PKM: variants seen among roughly 807,000 people sequenced by gnomAD.
PKM encodes pyruvate kinase PKM.
PKM carries 18 observed loss-of-function variants against 49.8 expected under a neutral mutation model. The ratio of observed to expected loss-of-function variants is 0.36; its 90% CI spans 0.25 to 0.54. The LOEUF (loss-of-function observed/expected upper bound fraction) is 0.54. Ranked by LOEUF, PKM falls within the 20% of genes least tolerant of loss-of-function variation. PKM has a pLI of 0.89. For synonymous variants in PKM, 239 were observed against 261.8 expected (o/e 0.91, Z 0.84); for missense variants, 508 against 713.8 (o/e 0.71, Z 3.28).
At chr15:72,213,722 C>T (rs1362156824) in intron 3 of PKM, among the ~76,000 whole-genome samples, 3 of 152,198 alleles carry the variant, frequency 2.0e-5, no homozygotes, top group Non-Finnish European at 2.9e-5. Flanking sequence ...TGAGCCACCG[C>T]ACGCCCAGCC....
intron 3 of PKM, 129 bp from the exon 4 acceptor site, chr15:72,210,607 T>C: frequency 9.9e-7 from 1 of 1,005,606 alleles, no homozygotes; most frequent in South Asian, 1.4e-5. Context: ...ATCTCCATCC[T>C]CAGCACGATC....
chr15:72,224,549 C>T (rs927510100), intron 1 of PKM, among the ~76,000 whole-genome samples: 2 of 152,190 alleles, frequency 1.3e-5, no homozygotes, highest in Admixed American at 6.5e-5. Context: ...TGCCTCTCTA[C>T]CACCCAGAAC....
chr15:72,208,758 G>C lies in PKM; in HGVS notation c.699C>G (p.Val233=), dbSNP rs752259435. 6.2e-7 allele frequency: 1 copy of C among 1,614,044 alleles called. No homozygotes were observed. Among genetic ancestry groups the C allele is most frequent in the Admixed American group, 1.7e-5 (1 of 60,004 alleles). ...CAAACACCATATCAACATCCTGCTC[G>C]ACCCCAAACTTCAGATCCTGGATGT... ...EKDIQDLKFG[V]EQDVDMVFAS... is the part of the protein sequence containing the mutation. Residue 233 remains valine, a synonymous_variant, in exon 6 of 11, where the codon GTC becomes GTG. Transcript: ENST00000335181.
chr15:72,215,375 G>A (rs982959780), intron 3 of PKM, among the ~76,000 whole-genome samples: 3 of 152,158 alleles, frequency 2.0e-5, no homozygotes, highest in Non-Finnish European at 4.4e-5. Flanking sequence ...TAGCCCTGAC[G>A]TATGGTAAGG....
Position 72,209,864 on chromosome 15 carries a change from G to A in PKM, c.379-5C>T. The A allele has an allele frequency of 6.2e-7, 1 of 1,613,544 alleles. No homozygotes were observed. The highest frequency in any genetic ancestry group is 1.1e-5 in the South Asian group (1 of 91,070). ...CTCCACCTCTGCAGTGCCGCTCTAG[G>A]GACAAGAGAGTAAGCAAGAGTCCAA... On this transcript the variant is annotated splice_region_variant and splice_polypyrimidine_tract_variant and intron_variant, in intron 4 of 10. Transcript: ENST00000335181.
chr15:72,209,039 T>A (rs2082162644), intron 5 of PKM, 148 bp from the exon 6 acceptor site: 8 of 801,134 alleles, frequency 1.0e-5, no homozygotes, highest in Non-Finnish European at 1.7e-5. Flanking sequence ...CCTACTACAC[T>A]GTGTAATCCT....
rs1211462704 is a variant in PKM at position 72,210,051 on chromosome 15, T to C, written c.379-192A>G. On this transcript the variant is annotated intron_variant, in intron 4 of 10. Transcript: ENST00000335181. The stretch of plus-strand genomic sequence containing the variant: ...AATCCAAGAAAAGAATATGTTTCAG[T>C]TATGCTACTTAATGATGGGGAAAAA... 25 of 648,766 alleles carry C rather than the reference T, an allele frequency of 3.9e-5. No individual in the cohort carries two copies. The East Asian group carries it at 6.3e-4, about 16-fold the overall frequency. The allele number at this position is 648,766 out of a possible 1,614,324, so 40.2% of individuals were successfully genotyped here.
Position 72,199,594 on chromosome 15 carries a change from G to T in PKM, c.*56C>A. On this transcript the variant is annotated 3_prime_UTR_variant, in exon 11 of 11. Transcript: ENST00000335181. ...GTTCTACAAGCGTTGCTGGCCTAAT[G>T]GATGGGCTGGGGGAAGGGGGTGGGA... The T allele has an allele frequency of 8.0e-7, 1 of 1,257,752 alleles. No individual in the cohort carries two copies. The highest frequency in any genetic ancestry group is 1.2e-6 in the Non-Finnish European group (1 of 859,204). The allele number at this position is 1,257,752 out of a possible 1,614,324, so 77.9% of individuals were successfully genotyped here.
chr15:72,224,356 G>A (rs2140790066), intron 1 of PKM, among the ~76,000 whole-genome samples: 1 of 152,258 alleles, frequency 6.6e-6, no homozygotes, highest in African/African-American at 2.4e-5. Context: ...CCTCAGCAAA[G>A]TGAGGCACTG....
rs776042746 is a variant in PKM at position 72,210,420 on chromosome 15, G to C, written c.305C>G (p.Pro102Arg). 1 of 1,614,162 alleles carries C rather than the reference G, an allele frequency of 6.2e-7. No homozygotes were observed. Among genetic ancestry groups the C allele is most frequent in the Non-Finnish European group, 8.5e-7 (1 of 1,180,010 alleles). ...CACAGCAACGGGCCGGTAGAGGATG[G>C]GGTCAGAAGCAAAGCTTTCCGTGGC... is the stretch of plus-strand genomic sequence containing the variant. ...RTATESFASD[P>R]ILYRPVAVAL... The change falls in exon 4 of 11, where the codon CCC becomes CGC. Residue 102 changes from proline to arginine, a missense_variant. Coordinates refer to ENST00000335181, the MANE Select transcript of PKM (RefSeq NM_002654.6).
In PKM at chr15:72,209,805, C is replaced by G. The variant is rs1326227652; in HGVS notation, c.433G>C (p.Asp145His). The change falls in exon 5 of 11, where the codon GAT becomes CAT. Residue 145 changes from aspartate to histidine, a missense_variant. Transcript: ENST00000335181. Reference protein sequence around the residue: ...KKGATLKITLDNAYMEKCDEN... With the variant: ...KKGATLKITLHNAYMEKCDEN... ...TCACACTTTTCCATGTAGGCGTTAT[C>G]CAGCGTGATTTTGAGAGTGGCTCCC... 3 of 1,613,890 alleles carry G rather than the reference C, an allele frequency of 1.9e-6. No homozygotes were observed. The highest frequency in any genetic ancestry group is 1.7e-6 in the Non-Finnish European group (2 of 1,179,990).
intron 4 of PKM, chr15:72,210,145 T>C: frequency 2.8e-6 from 2 of 706,676 alleles, no homozygotes; most frequent in African/African-American, 1.8e-5. Context: ...AAAAAAAGGT[T>C]CCTTTGTGGT....
chr15:72,209,779 G>A lies in PKM; in HGVS notation c.459C>T (p.Asp153=), dbSNP rs757194025. The change falls in exon 5 of 11, where the codon GAC becomes GAT. Residue 153 remains aspartate, a synonymous_variant. Transcript: ENST00000335181. ...TGTAGTCCAGCCACAGGATGTTCTC[G>A]TCACACTTTTCCATGTAGGCGTTAT... ...TLDNAYMEKC[D]ENILWLDYKN... is the part of the protein sequence containing the mutation. The A allele has an allele frequency of 3.4e-5, 55 of 1,613,846 alleles. No individual in the cohort carries two copies. Among genetic ancestry groups the A allele is most frequent in the East Asian group, 4.5e-5 (2 of 44,884 alleles).
intron 1 of PKM, among the ~76,000 whole-genome samples, chr15:72,227,256 G>C (rs1321589567): frequency 6.6e-6 from 1 of 152,182 alleles, no homozygotes; most frequent in African/African-American, 2.4e-5. Flanking sequence ...CCAATCTCAC[G>C]AAGACCCTTG....
chr15:72,210,999 A>G (rs529459012), intron 3 of PKM, among the ~76,000 whole-genome samples: 10 of 152,260 alleles, frequency 6.6e-5, no homozygotes, highest in Admixed American at 3.3e-4. Flanking sequence ...TTATTGACTT[A>G]AGCTAACAGT....
At chr15:72,221,900 C>A (rs2082535270) in intron 1 of PKM, among the ~76,000 whole-genome samples, 1 of 147,018 alleles carries the variant, frequency 6.8e-6, no homozygotes. Flanking sequence ...GAAGGTCAAC[C>A]TTAATACATT....
At chr15:72,226,163 T>G (rs1489749930) in intron 1 of PKM, among the ~76,000 whole-genome samples, 2 of 152,240 alleles carry the variant, frequency 1.3e-5, no homozygotes, top group African/African-American at 4.8e-5. Flanking sequence ...GTGTCTTATG[T>G]GCCCTGACTG....
intron 3 of PKM, among the ~76,000 whole-genome samples, chr15:72,211,167 G>A (rs1009074916): frequency 1.3e-5 from 2 of 151,514 alleles, no homozygotes; most frequent in African/African-American, 2.4e-5. Context: ...CCAGGTTCAC[G>A]CCATTCTCCT....
chr15:72,224,906 C>T (rs2140794928), intron 1 of PKM, among the ~76,000 whole-genome samples: 1 of 137,866 alleles, frequency 7.3e-6, no homozygotes. Context: ...GCTGTATTTT[C>T]TTTAATTTCT....
Sources: allele counts gnomAD v4.1 joint callset (sites outside exome capture counted in the v4.1 genomes callset), GRCh38; gene constraint gnomAD v4.1.1; transcripts MANE v1.5; gene names NCBI Gene and HGNC (gene_info 2026-07-23, HGNC 2026-07-21).